The following IFT74 variants were observed in gnomAD, a reference collection of about 807,000 sequenced individuals.
IFT74 encodes intraflagellar transport protein 74 homolog.
A neutral mutation model predicts 96.7 loss-of-function variants in IFT74; 92 were observed. The ratio of observed to expected loss-of-function variants is 0.95; its 90% CI spans 0.80 to 1.13. The LOEUF (loss-of-function observed/expected upper bound fraction) is 1.13, where lower values mean the gene tolerates loss of function less well. IFT74 is among the 50% of genes most tolerant of loss of function. The pLI is 0.00. For missense variants in IFT74, 811 were observed against 698.2 expected (o/e 1.16, Z -1.82); for synonymous variants, 223 against 213.2 (o/e 1.05, Z -0.40).
chr9:27,009,832 T>A (rs1167287476), intron 9 of IFT74, among the ~76,000 whole-genome samples: 3 of 152,188 alleles, frequency 2.0e-5, no homozygotes, highest in South Asian at 2.1e-4. Flanking sequence ...AAAATTAATT[T>A]TTTTATTGAT....
Position 27,018,629 on chromosome 9 carries a change from C to T in IFT74, c.934-18C>T. On this transcript the variant is annotated intron_variant, in intron 11 of 19. Transcript: ENST00000380062. ...GAGTTATTTTTTTAAATACTACTTTCTTTTTATGCCTTTGTAGATTAAAGA... is the reference window on the plus strand; with the variant it reads ...GAGTTATTTTTTTAAATACTACTTTTTTTTTATGCCTTTGTAGATTAAAGA... 1 of 1,433,550 alleles carries T rather than the reference C, an allele frequency of 7.0e-7. No individual in the cohort carries two copies. The highest frequency in any genetic ancestry group is 9.6e-7 in the Non-Finnish European group (1 of 1,039,480). The allele number at this position is 1,433,550 out of a possible 1,614,324, so 88.8% of individuals were successfully genotyped here. A position where few individuals can be genotyped will look rare whatever the true frequency, so the allele number is the denominator to read the frequency against.
At chr9:26,974,462 C>T (rs1034599990) in intron 2 of IFT74, among the ~76,000 whole-genome samples, 18 of 152,058 alleles carry the variant, frequency 1.2e-4, no homozygotes, top group African/African-American at 4.3e-4. Context: ...ATTTTATAGG[C>T]CCCTCATCTT....
rs139589505 is a variant in IFT74 at position 26,984,699 on chromosome 9, AAAG to A, written c.465+144_465+146del. On this transcript the variant is annotated intron_variant, in intron 6 of 19. Transcript: ENST00000380062. ...AAACATGCAGCCAACAAGCATATGA[AAAG>A]AAGCTCATCATCACTGATGATGATT... The A allele has an allele frequency of 1.3e-3, 827 of 627,350 alleles. 3 individuals are homozygous for A. The highest frequency in any genetic ancestry group is 0.013 in the African/African-American group (711 of 54,082). 38.9% of individuals were successfully genotyped at this position (627,350 alleles called of 1,614,324 possible). A position where few individuals can be genotyped will look rare whatever the true frequency, so the allele number is the denominator to read the frequency against.
At chr9:27,018,042 C>T (rs914806726) in intron 11 of IFT74, among the ~76,000 whole-genome samples, 2 of 152,090 alleles carry the variant, frequency 1.3e-5, no homozygotes, top group African/African-American at 4.8e-5. Flanking sequence ...AAATCTAGAA[C>T]CTGTGTAGTT....
At chr9:27,033,244 G>A (rs1489266918) in intron 13 of IFT74, among the ~76,000 whole-genome samples, 1 of 151,992 alleles carries the variant, frequency 6.6e-6, no homozygotes, top group Non-Finnish European at 1.5e-5. Flanking sequence ...TCAATGTTAG[G>A]GCTCTAAAGT....
At chr9:27,027,400 G>C (rs1349043222) in intron 12 of IFT74, among the ~76,000 whole-genome samples, 1 of 152,098 alleles carries the variant, frequency 6.6e-6, no homozygotes, top group Non-Finnish European at 1.5e-5. Flanking sequence ...AATTGGTACT[G>C]TTTTACATTT....
At chr9:27,033,573 C>CAAAAAAA (rs558712485) in intron 13 of IFT74, among the ~76,000 whole-genome samples, 2 of 66,284 alleles carry the variant, frequency 3.0e-5, no homozygotes, top group African/African-American at 5.4e-5. Context: ...GACCCTGTCT[C>CAAAAAAA]AAAAAAAAAA....
intron 13 of IFT74, among the ~76,000 whole-genome samples, chr9:27,039,957 C>T (rs1004004793): frequency 4.6e-5 from 7 of 152,036 alleles, no homozygotes; most frequent in African/African-American, 9.7e-5. Flanking sequence ...TTTATAGGCC[C>T]CCACAACTAA....
At chr9:27,001,912 G>C (rs1296008239) in intron 8 of IFT74, among the ~76,000 whole-genome samples, 1 of 151,078 alleles carries the variant, frequency 6.6e-6, no homozygotes, top group Non-Finnish European at 1.5e-5. Flanking sequence ...CAGTGTTCTA[G>C]AGCAATTCTC....
chr9:26,968,218 G>A (rs1826713024), intron 2 of IFT74, among the ~76,000 whole-genome samples: 1 of 151,404 alleles, frequency 6.6e-6, no homozygotes, highest in Non-Finnish European at 1.5e-5. Flanking sequence ...AAGTCATCAG[G>A]TCCTGAGCTT....
chr9:27,004,597 A>G (rs772442047), intron 8 of IFT74, among the ~76,000 whole-genome samples: 14 of 152,260 alleles, frequency 9.2e-5, no homozygotes, highest in Non-Finnish European at 1.8e-4. Context: ...CAAGTAGATT[A>G]TGCAGAAATT....
chr9:27,056,037 T>C (rs1402340284), intron 17 of IFT74, among the ~76,000 whole-genome samples: 2 of 152,110 alleles, frequency 1.3e-5, no homozygotes, highest in Admixed American at 1.3e-4. Flanking sequence ...AAATGCAGTT[T>C]AGATTATGAC....
intron 1 of IFT74, among the ~76,000 whole-genome samples, chr9:26,948,201 A>T (rs981889749): frequency 5.9e-5 from 9 of 151,968 alleles, no homozygotes; most frequent in African/African-American, 2.2e-4. Context: ...CCCTGGGTGG[A>T]TTATTTACTA....
intron 8 of IFT74, among the ~76,000 whole-genome samples, chr9:26,992,625 G>A (rs1323503159): frequency 2.6e-5 from 4 of 151,954 alleles, no homozygotes; most frequent in Non-Finnish European, 1.5e-5. Flanking sequence ...CCCAGGAGGC[G>A]GAGGGTTCAG....
chr9:26,986,186 A>G (rs1827624683), intron 6 of IFT74, among the ~76,000 whole-genome samples: 1 of 152,222 alleles, frequency 6.6e-6, no homozygotes, highest in African/African-American at 2.4e-5. Context: ...TTAGGATAAG[A>G]TAAGTTATGA....
chr9:26,961,350 A>T (rs376493287), intron 1 of IFT74, among the ~76,000 whole-genome samples: 234 of 152,106 alleles, frequency 1.5e-3, no homozygotes, highest in African/African-American at 5.4e-3. Context: ...TTGGCCTCCC[A>T]AAGTGCTGGG....
At chr9:26,998,284 T>A (rs768200428) in intron 8 of IFT74, 2 of 1,163,798 alleles carry the variant, frequency 1.7e-6, no homozygotes, top group Admixed American at 3.1e-5. Context: ...AGAAAAAAAA[T>A]TAATAGAATT....
intron 12 of IFT74, 55 bp downstream of exon 12, chr9:27,018,742 A>G (rs1252139247): frequency 5.4e-6 from 6 of 1,120,064 alleles, no homozygotes; most frequent in East Asian, 2.4e-5. Flanking sequence ...TAAAAATTAC[A>G]TTCTAAAGGT....
In IFT74 at chr9:27,047,378, A is replaced by G. The variant is rs745725147; in HGVS notation, c.1206+7A>G. On this transcript the variant is annotated splice_region_variant and intron_variant, in intron 15 of 19. Transcript: ENST00000380062. The stretch of plus-strand genomic sequence containing the variant: ...CTTGGAGCACTGCAGTCGAGTGAGT[A>G]CCATGTGCCTGTCTTGGTGTCCTCT... 2 of 1,561,558 alleles carry G rather than the reference A, an allele frequency of 1.3e-6. No individual in the cohort carries two copies. The highest frequency in any genetic ancestry group is 1.4e-5 in the African/African-American group (1 of 73,316).
Sources: allele counts gnomAD v4.1 joint callset (sites outside exome capture counted in the v4.1 genomes callset), GRCh38; gene constraint gnomAD v4.1.1; transcripts MANE v1.5; gene names NCBI Gene and HGNC (gene_info 2026-07-23, HGNC 2026-07-21).